PCLO: variants seen among roughly 807,000 people sequenced by gnomAD.
PCLO encodes piccolo presynaptic cytomatrix protein, also known as protein piccolo.
A neutral mutation model predicts 427.5 loss-of-function variants in PCLO; 82 were observed. The observed-to-expected ratio is 0.19, with a 90% CI of 0.16 to 0.23. The LOEUF is 0.23. PCLO is among the 10% of genes least tolerant of loss of function. PCLO has a pLI of 1.00. For synonymous variants in PCLO, 2,357 were observed against 2,155.4 expected (o/e 1.09, Z -2.59); for missense variants, 6,239 against 6,115.9 (o/e 1.02, Z -0.67).
In PCLO at chr7:82,756,075, T is replaced by A. The variant is rs1790312190; in HGVS notation, c.*2500A>T. 1 of 152,118 alleles carries A rather than the reference T, an allele frequency of 6.6e-6. No individual in the cohort carries two copies. The highest frequency in any genetic ancestry group is 1.5e-5 in the Non-Finnish European group (1 of 68,032). 9.4% of individuals were successfully genotyped at this position (152,118 alleles called of 1,614,324 possible). A position where few individuals can be genotyped will look rare whatever the true frequency, so the allele number is the denominator to read the frequency against. The stretch of plus-strand genomic sequence containing the variant: ...AAAGAGATAATCTTTGTTTTGGTGA[T>A]CCCTCCATTTATATTATTCTAAAAG... On this transcript the variant is annotated 3_prime_UTR_variant, in exon 25 of 25. Transcript: ENST00000333891.
intron 10 of PCLO, among the ~76,000 whole-genome samples, chr7:82,870,946 G>A (rs750619701): frequency 1.3e-5 from 2 of 151,706 alleles, no homozygotes; most frequent in South Asian, 2.1e-4. Flanking sequence ...TGCTGGCAAG[G>A]AGATGAGAAT....
At chr7:82,998,351 C>A (rs1297482781) in intron 3 of PCLO, among the ~76,000 whole-genome samples, 1 of 151,578 alleles carries the variant, frequency 6.6e-6, no homozygotes, top group Non-Finnish European at 1.5e-5. Flanking sequence ...CTGAAATATG[C>A]CAGTGTACTC....
intron 20 of PCLO, among the ~76,000 whole-genome samples, chr7:82,806,391 A>G (rs1176361253): frequency 1.3e-5 from 2 of 152,112 alleles, no homozygotes; most frequent in African/African-American, 4.8e-5. Context: ...AAATTTAAAG[A>G]TATTTGTTTC....
chr7:83,038,421 GCTTT>G (rs1788886777), intron 3 of PCLO, among the ~76,000 whole-genome samples: 1 of 151,440 alleles, frequency 6.6e-6, no homozygotes, highest in Admixed American at 6.6e-5. Context: ...CCACTAATCT[GCTTT>G]CTATCTCTAT....
chr7:82,907,966 C>A (rs915369282), intron 8 of PCLO, among the ~76,000 whole-genome samples: 17 of 151,958 alleles, frequency 1.1e-4, no homozygotes, highest in African/African-American at 4.1e-4. Context: ...TATAGTAAGT[C>A]TATATGGATC....
At chr7:82,946,764 A>G (rs1795213657) in intron 6 of PCLO, among the ~76,000 whole-genome samples, 1 of 152,172 alleles carries the variant, frequency 6.6e-6, no homozygotes, top group African/African-American at 2.4e-5. Context: ...TTTCTAATAT[A>G]TTTTGAATTT....
chr7:83,109,664 C>A (rs1790953214), intron 3 of PCLO, among the ~76,000 whole-genome samples: 1 of 152,046 alleles, frequency 6.6e-6, no homozygotes, highest in Non-Finnish European at 1.5e-5. Context: ...ATGCTATTGA[C>A]AGCCTCTCAT....
Position 83,135,404 on chromosome 7 carries a change from G to A in PCLO, c.2146C>T (p.Pro716Ser), listed in dbSNP as rs1791699119. The change falls in exon 3 of 25, where the codon CCT becomes TCT. Residue 716 changes from proline (P) to serine (S), a missense_variant. Around this residue, in one of 5 missense-constraint regions of PCLO, gnomAD observed 4,677 missense variants for 4,468.4 expected, o/e 1.05. Transcript: ENST00000333891. ...LVKQPTLHGS[P>S]SAKAKQPPEA... ...GGGGGCTGCTTGGCCTTGGCTGAAG[G>A]AGAGCCATGAAGGGTTGGTTGTTTC... is the stretch of plus-strand genomic sequence containing the variant. The A allele has an allele frequency of 6.2e-7, 1 of 1,613,918 alleles. No homozygotes were observed. The highest frequency in any genetic ancestry group is 2.2e-5 in the East Asian group (1 of 44,866).
At chr7:82,919,001 G>A (rs1272544615) in intron 6 of PCLO, among the ~76,000 whole-genome samples, 1 of 151,920 alleles carries the variant, frequency 6.6e-6, no homozygotes, top group African/African-American at 2.4e-5. Flanking sequence ...ATTTGAACTT[G>A]GAAGTCACTT....
chr7:83,043,425 C>T (rs1789020184), intron 3 of PCLO, among the ~76,000 whole-genome samples: 1 of 152,090 alleles, frequency 6.6e-6, no homozygotes. Context: ...AATGCATAAG[C>T]TCATTTGAAA....
In PCLO at chr7:83,154,953, G is replaced by A; in HGVS notation, c.1688C>T (p.Ser563Phe). 6.2e-7 allele frequency: 1 copy of A among 1,614,020 alleles called. No homozygotes were observed. Among genetic ancestry groups the A allele is most frequent in the South Asian group, 1.1e-5 (1 of 91,088 alleles). Residue 563 changes from serine to phenylalanine, a missense_variant, in exon 2 of 25, where the codon TCT becomes TTT. Ser to Phe is a radical substitution (Grantham distance 155). This residue lies in a region of PCLO where 4,677 missense variants were observed against 4,468.4 expected (regional missense o/e 1.05). Transcript: ENST00000333891. ...TGTTGGTGGCTGCAGAGGTTTTCCA[G>A]ATCCTGTTTGGCTTACTGGTTTTGT... The part of the protein sequence containing the change: ...QSTKPVSQTG[S>F]GKPLQPPTVS...
At chr7:82,984,799 T>G (rs909973135) in intron 3 of PCLO, among the ~76,000 whole-genome samples, 2 of 152,018 alleles carry the variant, frequency 1.3e-5, no homozygotes, top group Non-Finnish European at 2.9e-5. Context: ...TTCTTGCTAC[T>G]TCTGAAGTTG....
chr7:82,794,609 A>C (rs1791187281), intron 22 of PCLO, among the ~76,000 whole-genome samples: 1 of 150,650 alleles, frequency 6.6e-6, no homozygotes, highest in South Asian at 2.1e-4. Flanking sequence ...AGCAGCTGGA[A>C]CCACAGGCAT....
chr7:82,760,824 T>C (rs1283280527), intron 23 of PCLO, 40 bp from the exon 24 acceptor site: 23 of 1,092,884 alleles, frequency 2.1e-5, no homozygotes, highest in Non-Finnish European at 2.8e-5. Flanking sequence ...CCATCAATCA[T>C]ATAAATTTCT....
At chr7:82,767,583 A>C (rs1790557578) in intron 22 of PCLO, among the ~76,000 whole-genome samples, 1 of 152,128 alleles carries the variant, frequency 6.6e-6, no homozygotes, top group Non-Finnish European at 1.5e-5. Flanking sequence ...AATATAGAGA[A>C]CATAGAGAAT....
intron 3 of PCLO, among the ~76,000 whole-genome samples, chr7:83,070,903 G>T (rs557491820): frequency 6.6e-6 from 1 of 152,216 alleles, no homozygotes; most frequent in South Asian, 2.1e-4. Flanking sequence ...CTTTAATAAA[G>T]TCTAATATTA....
At chr7:82,788,281 T>A (rs4732484) in intron 22 of PCLO, among the ~76,000 whole-genome samples, 11,206 of 147,808 alleles carry the variant, frequency 0.076, 610 homozygotes, top group East Asian at 0.15. Context: ...AAATTTAATA[T>A]ATATAATTGA....
At chr7:83,131,202 G>T (rs549041154) in intron 3 of PCLO, among the ~76,000 whole-genome samples, 1 of 152,276 alleles carries the variant, frequency 6.6e-6, no homozygotes, top group African/African-American at 2.4e-5. Context: ...AAGCCTAAAA[G>T]AATTGTCTCT....
intron 3 of PCLO, among the ~76,000 whole-genome samples, chr7:83,086,577 A>T (rs185973054): frequency 3.3e-5 from 5 of 152,220 alleles, no homozygotes; most frequent in Admixed American, 2.6e-4. Context: ...TCTTACGATG[A>T]TTTAGGAGAA....
Sources: gnomAD v4.1 joint callset for allele counts (sites outside exome capture counted in the v4.1 genomes callset) on GRCh38, gnomAD v4.1.1 for gene constraint, gnomAD v4.1.1 regional missense constraint, MANE v1.5 for transcripts, NCBI Gene and HGNC (gene_info 2026-07-23, HGNC 2026-07-21) for gene names.